Variants in PCDH15 observed in about 807,000 individuals in gnomAD.
PCDH15 encodes protocadherin related 15, also known as protocadherin-15.
In PCDH15, 129 loss-of-function variants were observed where a neutral mutation model predicts 178.5. The observed-to-expected ratio is 0.72, with a 90% CI of 0.63 to 0.84. PCDH15 has a LOEUF of 0.84. Among genes scored for constraint, PCDH15 ranks in the 40% least tolerant of loss-of-function variants. PCDH15 has a pLI of 0.00. For missense variants in PCDH15, 2,230 were observed against 2,099.9 expected (o/e 1.06, Z -1.21); for synonymous variants, 800 against 732.0 (o/e 1.09, Z -1.50).
chr10:55,399,943 C>T (rs1838024259), intron 2 of PCDH15, among the ~76,000 whole-genome samples: 1 of 152,024 alleles, frequency 6.6e-6, no homozygotes, highest in Non-Finnish European at 1.5e-5. Flanking sequence ...AGTTTCTGAT[C>T]CTTCCTTAAT....
chr10:54,842,036 A>T (rs1323146511), intron 3 of PCDH15, among the ~76,000 whole-genome samples: 1 of 151,918 alleles, frequency 6.6e-6, no homozygotes, highest in Admixed American at 6.6e-5. Flanking sequence ...AATAAATCAC[A>T]TCATAGGAAA....
At chr10:54,024,602 CTT>C (rs1442124186) in intron 18 of PCDH15, among the ~76,000 whole-genome samples, 3 of 152,124 alleles carry the variant, frequency 2.0e-5, no homozygotes, top group African/African-American at 7.2e-5. Flanking sequence ...GGATTTGTCT[CTT>C]TGACTCATCA....
intron 2 of PCDH15, among the ~76,000 whole-genome samples, chr10:55,615,227 T>C (rs1407922579): frequency 2.2e-5 from 2 of 91,938 alleles, no homozygotes; most frequent in Admixed American, 2.0e-4. Flanking sequence ...TTTAATAGAT[T>C]TGACAAAACA....
chr10:53,937,302 C>G (rs1313199090), intron 25 of PCDH15, among the ~76,000 whole-genome samples: 1 of 152,156 alleles, frequency 6.6e-6, no homozygotes, highest in Non-Finnish European at 1.5e-5. Flanking sequence ...TTAAACTGTT[C>G]ATTTGTTTCA....
At chr10:53,852,748 G>T (rs576017686) in intron 28 of PCDH15, among the ~76,000 whole-genome samples, 1 of 150,506 alleles carries the variant, frequency 6.6e-6, no homozygotes, top group East Asian at 1.9e-4. Flanking sequence ...TAAAATATTG[G>T]TCTACCAAAA....
chr10:53,955,801 G>T (rs952026990), intron 23 of PCDH15, among the ~76,000 whole-genome samples: 2 of 152,130 alleles, frequency 1.3e-5, no homozygotes, highest in African/African-American at 2.4e-5. Context: ...GCATCTCTGG[G>T]AATAATGTGC....
chr10:55,199,538 T>C (rs201893205), intron 1 of PCDH15, among the ~76,000 whole-genome samples: 2 of 151,696 alleles, frequency 1.3e-5, no homozygotes, highest in African/African-American at 4.9e-5. Context: ...AAAAAAAAAA[T>C]TTCTGGGGAG....
intron 15 of PCDH15, among the ~76,000 whole-genome samples, chr10:54,119,349 T>G (rs1173223540): frequency 6.6e-6 from 1 of 152,042 alleles, no homozygotes; most frequent in Non-Finnish European, 1.5e-5. Context: ...TGTTAAAATA[T>G]ATCAAAAGCT....
At chr10:54,583,408 C>G (rs2091210417) in intron 2 of PCDH15, among the ~76,000 whole-genome samples, 1 of 151,724 alleles carries the variant, frequency 6.6e-6, no homozygotes, top group Admixed American at 6.6e-5. Flanking sequence ...TTTATGTTAC[C>G]TTTTCATGGA....
chr10:54,321,594 A>C (rs1275797905), intron 7 of PCDH15, among the ~76,000 whole-genome samples: 1 of 151,824 alleles, frequency 6.6e-6, no homozygotes, highest in Non-Finnish European at 1.5e-5. Flanking sequence ...ACAAATTTGA[A>C]TTTTTTAATG....
chr10:54,636,659 T>C (rs940566003), intron 2 of PCDH15, among the ~76,000 whole-genome samples: 4 of 151,820 alleles, frequency 2.6e-5, no homozygotes, highest in African/African-American at 4.8e-5. Context: ...AAGAGCAGAA[T>C]TGAAAGAAGA....
At chr10:53,872,533 T>C (rs1479551333) in intron 26 of PCDH15, among the ~76,000 whole-genome samples, 1 of 152,112 alleles carries the variant, frequency 6.6e-6, no homozygotes, top group Non-Finnish European at 1.5e-5. Context: ...TGTTCTCATT[T>C]CTCTCTCCTT....
chr10:54,272,814 A>G (rs1454952611), intron 8 of PCDH15, among the ~76,000 whole-genome samples: 2 of 152,118 alleles, frequency 1.3e-5, no homozygotes, highest in Non-Finnish European at 2.9e-5. Flanking sequence ...ATACTTAATA[A>G]TATAGTACAC....
intron 2 of PCDH15, among the ~76,000 whole-genome samples, chr10:55,425,289 T>C (rs1838724980): frequency 6.6e-6 from 1 of 152,034 alleles, no homozygotes; most frequent in Non-Finnish European, 1.5e-5. Flanking sequence ...GACAATCTCT[T>C]TTGCTAATGC....
intron 16 of PCDH15, among the ~76,000 whole-genome samples, chr10:54,086,212 G>A (rs916661561): frequency 2.0e-5 from 3 of 152,120 alleles, no homozygotes; most frequent in Non-Finnish European, 4.4e-5. Context: ...AAAGGTGAAG[G>A]GGTGCTGGTG....
At chr10:55,365,919 C>T (rs1565062468) in intron 2 of PCDH15, among the ~76,000 whole-genome samples, 2 of 151,842 alleles carry the variant, frequency 1.3e-5, no homozygotes, top group East Asian at 3.9e-4. Flanking sequence ...TCAGTAGTTC[C>T]CTTTCCACTC....
chr10:54,274,630 G>A (rs2058246627), intron 8 of PCDH15, among the ~76,000 whole-genome samples: 1 of 151,202 alleles, frequency 6.6e-6, no homozygotes, highest in South Asian at 2.1e-4. Context: ...GTGTGTGTGT[G>A]TGTGTGTGTG....
chr10:54,245,653 A>T (rs2055847159), intron 8 of PCDH15, among the ~76,000 whole-genome samples: 1 of 152,140 alleles, frequency 6.6e-6, no homozygotes, highest in Non-Finnish European at 1.5e-5. Flanking sequence ...AATGATTTAA[A>T]ACAATCCCAA....
intron 1 of PCDH15, among the ~76,000 whole-genome samples, chr10:54,770,976 A>G (rs781598325): frequency 2.6e-5 from 4 of 152,050 alleles, no homozygotes; most frequent in African/African-American, 4.8e-5. Context: ...AGATGATATC[A>G]ATGTGCCCAT....
Sources: gnomAD v4.1 joint callset for allele counts (sites outside exome capture counted in the v4.1 genomes callset) on GRCh38, gnomAD v4.1.1 for gene constraint, MANE v1.5 for transcripts, NCBI Gene and HGNC (gene_info 2026-07-23, HGNC 2026-07-21) for gene names.